STAU1: variants seen among roughly 807,000 people sequenced by gnomAD.
STAU1 encodes the protein double-stranded RNA-binding protein Staufen homolog 1.
In STAU1, 13 loss-of-function variants were observed where a neutral mutation model predicts 62.9. The ratio of observed to expected loss-of-function variants is 0.21; its 90% CI spans 0.13 to 0.33. The LOEUF (loss-of-function observed/expected upper bound fraction) is 0.33, where lower values mean the gene tolerates loss of function less well. Among genes scored for constraint, STAU1 ranks in the 10% least tolerant of loss-of-function variants. STAU1 has a pLI of 1.00. For synonymous variants in STAU1, 269 were observed against 265.1 expected, an observed-to-expected ratio of 1.01 and a Z score of -0.14; for missense variants, 571 against 712.1, an observed-to-expected ratio of 0.80 and a Z score of 2.25.
chr20:49,179,859 A>C (rs2093702524), intron 1 of STAU1, among the ~76,000 whole-genome samples: 1 of 152,218 alleles, frequency 6.6e-6, no homozygotes, highest in South Asian at 2.1e-4. Context: ...GGTATTTCCA[A>C]CACCTATTAG....
chr20:49,128,564 C>T (rs574115025), intron 6 of STAU1, among the ~76,000 whole-genome samples: 2 of 152,064 alleles, frequency 1.3e-5, no homozygotes, highest in East Asian at 3.9e-4. Context: ...CAAAGTGAGG[C>T]TAAAACATTT....
intron 4 of STAU1, among the ~76,000 whole-genome samples, chr20:49,152,340 CTTTT>C (rs3092547): frequency 9.6e-6 from 1 of 104,572 alleles, no homozygotes; most frequent in Non-Finnish European, 1.8e-5. Context: ...CCACTAATGT[CTTTT>C]TTTTTTTTTT....
chr20:49,202,408 A>T, the STAU1 span, among the ~76,000 whole-genome samples: 3,376 of 150,676 alleles, frequency 0.022, 60 homozygotes, highest in Non-Finnish European at 0.036. Context: ...CTTAAAAAAC[A>T]TAAAAATTAG....
the STAU1 span, among the ~76,000 whole-genome samples, chr20:49,210,760 C>T: frequency 6.6e-6 from 1 of 152,148 alleles, no homozygotes; most frequent in Non-Finnish European, 1.5e-5. Context: ...CCCCATACTG[C>T]AACTCTTCCT....
chr20:49,190,961 A>G (rs1253303130), upstream of STAU1, among the ~76,000 whole-genome samples: 1 of 148,190 alleles, frequency 6.7e-6, no homozygotes, highest in Non-Finnish European at 1.5e-5. Context: ...GCTGAAGTGC[A>G]ATGGTGTGAT....
chr20:49,125,930 C>T (rs903129817), intron 6 of STAU1, among the ~76,000 whole-genome samples: 1 of 151,984 alleles, frequency 6.6e-6, no homozygotes, highest in Non-Finnish European at 1.5e-5. Flanking sequence ...ATAGTTTTGA[C>T]TTCTGGAAGC....
At chr20:49,186,114 T>C (rs963246091) in intron 1 of STAU1, among the ~76,000 whole-genome samples, 1 of 151,934 alleles carries the variant, frequency 6.6e-6, no homozygotes, top group African/African-American at 2.4e-5. Flanking sequence ...TATGGAGGCC[T>C]AGGAGGGTGG....
At chr20:49,140,699 A>C (rs1374008147) in intron 5 of STAU1, among the ~76,000 whole-genome samples, 1 of 152,314 alleles carries the variant, frequency 6.6e-6, no homozygotes, top group East Asian at 1.9e-4. Context: ...GGAATGATGG[A>C]AAGGTTCTGA....
intron 6 of STAU1, among the ~76,000 whole-genome samples, chr20:49,127,015 G>T (rs983814135): frequency 3.7e-4 from 57 of 152,076 alleles, no homozygotes; most frequent in African/African-American, 1.3e-3. Flanking sequence ...GCAAAGAGTT[G>T]AACACAAAAG....
rs1486993087 is a variant in STAU1, at chr20:49,115,861, G to C, written c.1639C>G (p.Leu547Val). ...DVESCHDMAA[L>V]NILKLLSELD... Reference sequence around the variant, plus strand: ...TCAGACAGCAACTTTAAGATGTTCAGCGCAGCCTAGTGGGGATGGAAAGAA... The same window carrying C: ...TCAGACAGCAACTTTAAGATGTTCACCGCAGCCTAGTGGGGATGGAAAGAA... Residue 547 changes from leucine (L) to valine (V), a missense_variant, in exon 13 of 14, where the codon CTG (leucine) becomes GTG (valine). Leu to Val is a conservative substitution (Grantham distance 32, BLOSUM62 1). Around this residue, in one of 3 missense-constraint regions of STAU1, gnomAD observed 156 missense variants for 194.7 expected, o/e 0.80. Coordinates refer to ENST00000371856, the MANE Select transcript of STAU1 (RefSeq NM_017453.4). 1 of 1,613,928 alleles carries C rather than the reference G, an allele frequency of 6.2e-7. No individual in the cohort carries two copies. Among genetic ancestry groups the C allele is most frequent in the African/African-American group, 1.3e-5 (1 of 74,926 alleles).
At chr20:49,152,610 G>A (rs1277778507) in intron 4 of STAU1, among the ~76,000 whole-genome samples, 1 of 151,984 alleles carries the variant, frequency 6.6e-6, no homozygotes, top group Non-Finnish European at 1.5e-5. Flanking sequence ...AAAGAGCTGG[G>A]ATTACAGGCG....
intron 5 of STAU1, among the ~76,000 whole-genome samples, chr20:49,142,468 G>C (rs769035329): frequency 6.6e-6 from 1 of 152,050 alleles, no homozygotes; most frequent in Non-Finnish European, 1.5e-5. Flanking sequence ...AAGGTTCCAC[G>C]TAAGACTGAT....
Position 49,118,392 on chromosome 20 carries a change from G to A in STAU1, c.1130C>T (p.Pro377Leu), listed in dbSNP as rs745685127. The change falls in exon 10 of 14, where the codon CCA becomes CTA. Residue 377 changes from proline to leucine, a missense_variant. By Grantham distance (98) the Pro-to-Leu change is moderately conservative (BLOSUM62 -3). This residue lies in a region of STAU1 where 414 missense variants were observed against 499.6 expected (regional missense o/e 0.83). Transcript: ENST00000371856. ...KSEEKTPIKK[P>L]GDGRKVTFFE... ...AAAGGTTACTTTTCTTCCATCCCCT[G>A]GTTTCTTTATGGGTGTCTTAAAAAA... 6.2e-7 allele frequency: 1 copy of A among 1,612,988 alleles called. No homozygotes were observed. The highest frequency in any genetic ancestry group is 2.2e-5 in the East Asian group (1 of 44,858).
chr20:49,169,721 T>TAG (rs2093573336), intron 2 of STAU1, among the ~76,000 whole-genome samples: 1 of 152,192 alleles, frequency 6.6e-6, no homozygotes, highest in African/African-American at 2.4e-5. Flanking sequence ...GTGCTGCCAT[T>TAG]TTCCTGCCTT....
chr20:49,164,453 T>C (rs2093495686), intron 3 of STAU1, among the ~76,000 whole-genome samples: 1 of 132,724 alleles, frequency 7.5e-6, no homozygotes, highest in Admixed American at 7.6e-5. Flanking sequence ...GCTCAGCCAA[T>C]TTTTGTATTT....
In STAU1 at chr20:49,114,883, A is replaced by C; in HGVS notation, c.1729T>G (p.Cys577Gly). 6.2e-7 allele frequency: 1 copy of C among 1,613,350 alleles called. No individual in the cohort carries two copies. Among genetic ancestry groups the C allele is most frequent in the Non-Finnish European group, 8.5e-7 (1 of 1,179,556 alleles). ...GGTTCATGGCCAGAAAAGGTTCAGC[A>C]CCTCCCACACCTTTAAGGAAGAAAA... ...GNGPMSVCGR[C>G] The change falls in exon 14 of 14, where the codon TGC becomes GGC. Residue 577 changes from cysteine to glycine, a missense_variant. This residue lies in a region of STAU1 where 156 missense variants were observed against 194.7 expected (regional missense o/e 0.80). Coordinates refer to ENST00000371856, the MANE Select transcript of STAU1 (RefSeq NM_017453.4).
chr20:49,135,380 TCAA>T (rs1186465245), intron 6 of STAU1, among the ~76,000 whole-genome samples: 1 of 152,236 alleles, frequency 6.6e-6, no homozygotes, highest in East Asian at 1.9e-4. Flanking sequence ...ACACAAGGTC[TCAA>T]CAACAAATGA....
chr20:49,188,431 A>AC (rs1442687502), upstream of STAU1: 1 of 33,572 alleles, frequency 3.0e-5, no homozygotes, highest in Non-Finnish European at 7.5e-5. Flanking sequence ...CCCCGGCCCC[A>AC]CCCCCACCCA....
chr20:49,190,872 T>C (rs755108389), upstream of STAU1, among the ~76,000 whole-genome samples: 7 of 150,968 alleles, frequency 4.6e-5, no homozygotes, highest in Non-Finnish European at 7.4e-5. Flanking sequence ...AATGGGAACA[T>C]GCAAAACTCA....
Sources: gnomAD v4.1 joint callset for allele counts (sites outside exome capture counted in the v4.1 genomes callset) on GRCh38, gnomAD v4.1.1 for gene constraint, gnomAD v4.1.1 regional missense constraint, MANE v1.5 for transcripts, NCBI Gene and HGNC (gene_info 2026-07-23, HGNC 2026-07-21) for gene names.